The following ZWILCH variants were observed in gnomAD, a reference collection of about 807,000 sequenced individuals.
The protein encoded by ZWILCH is protein zwilch homolog.
Under a neutral mutation model 79.9 loss-of-function variants are expected in ZWILCH, and 74 were observed. That is an observed-to-expected ratio of 0.93 (90% CI 0.77 to 1.12). ZWILCH has a LOEUF of 1.12. ZWILCH is among the 50% of genes most tolerant of loss of function. The pLI, the probability that ZWILCH is intolerant of heterozygous loss-of-function variation, is 0.00. For synonymous variants in ZWILCH, 241 were observed against 228.2 expected (o/e 1.06, Z -0.51); for missense variants, 694 against 687.5 (o/e 1.01, Z -0.11).
At chr15:66,520,933 A>G in intron 6 of ZWILCH, 117 bp from the exon 7 acceptor site, 2 of 1,153,256 alleles carry the variant, frequency 1.7e-6, no homozygotes, top group Non-Finnish European at 1.2e-6. Context: ...ATATATCCCA[A>G]AAGTATGGCG....
At chr15:66,516,288 G>C (rs1006359099) in intron 4 of ZWILCH, among the ~76,000 whole-genome samples, 2 of 152,138 alleles carry the variant, frequency 1.3e-5, no homozygotes, top group Non-Finnish European at 2.9e-5. Flanking sequence ...TACCTCTCCA[G>C]CTTCACTTCC....
chr15:66,527,324 A>G lies in ZWILCH; in HGVS notation c.854A>G (p.Glu285Gly). The G allele has an allele frequency of 1.2e-6, 2 of 1,614,122 alleles. No homozygotes were observed. Among genetic ancestry groups the G allele is most frequent in the Non-Finnish European group, 8.5e-7 (1 of 1,180,006 alleles). Residue 285 changes from glutamate (E) to glycine (G), a missense_variant, in exon 9 of 19, where the codon GAA (glutamate) becomes GGA (glycine). By Grantham distance (98) the Glu-to-Gly change is moderately conservative. Transcript: ENST00000307897. ...LADGLRTGVT[E>G]WLEPLEAKSA... ...GATGGTTTGAGGACTGGTGTCACTGAATGGCTCGAGCCCCTGGAAGCAAAA... is the reference window on the plus strand; with the variant it reads ...GATGGTTTGAGGACTGGTGTCACTGGATGGCTCGAGCCCCTGGAAGCAAAA...
At position 66,529,572 on chromosome 15, in the gene ZWILCH, G is replaced by A. The variant is rs752522290; in HGVS notation, c.1154G>A (p.Trp385Ter). Residue 385 changes from tryptophan (W) to a stop codon, truncating the protein, a stop_gained and splice_region_variant, in exon 12 of 19, where the codon TGG becomes TAG. Coordinates refer to ENST00000307897, the MANE Select transcript of ZWILCH (RefSeq NM_017975.5). LOFTEE classifies it high-confidence loss of function. ...CTACAACGTGGTGATATACAGCCAT[G>A]GGTAGGTTTAGTAGTGTGTGTCAGA... is the stretch of plus-strand genomic sequence containing the variant. Reference protein sequence around the residue: ...QSLQRGDIQPWLHSGSNSLLS... With the variant: ...QSLQRGDIQP 1.2e-6 allele frequency: 2 copies of A among 1,612,172 alleles called. No homozygotes were observed. The highest frequency in any genetic ancestry group is 2.2e-5 in the South Asian group (2 of 91,000).
At chr15:66,541,151 G>A (rs1595922856) in intron 17 of ZWILCH, among the ~76,000 whole-genome samples, 1 of 151,480 alleles carries the variant, frequency 6.6e-6, no homozygotes, top group Admixed American at 6.6e-5. Context: ...GCCGGGTGTT[G>A]GTGGCTTGTT....
chr15:66,546,614 G>A lies in ZWILCH; in HGVS notation c.1711G>A (p.Gly571Ser), dbSNP rs547318979. Residue 571 changes from glycine to serine, a missense_variant, in exon 18 of 19, where the codon GGT (glycine) becomes AGT (serine). Transcript: ENST00000307897. ...AGATTTTTCGGAATTAACACTAAAC[G>A]GTAGCCTGGAAGAAAGGATATTCTT... ...KPDFSELTLN[G>S]SLEERIFFTN... is the part of the protein sequence containing the mutation. The A allele has an allele frequency of 9.3e-6, 15 of 1,607,726 alleles. No individual in the cohort carries two copies. The East Asian group carries it at 1.1e-4, about 12-fold the overall frequency.
intron 18 of ZWILCH, chr15:66,547,272 A>G (rs546663398): frequency 7.6e-6 from 1 of 132,430 alleles, no homozygotes; most frequent in East Asian, 2.1e-4. Flanking sequence ...ATCTCGGCTC[A>G]CTGCAAGCTC....
chr15:66,527,425 T>A, intron 9 of ZWILCH, 42 bp downstream of exon 9: 2 of 1,430,944 alleles, frequency 1.4e-6, no homozygotes, highest in Non-Finnish European at 2.0e-6. Flanking sequence ...ATACTTGCTA[T>A]GTTTAAATAT....
chr15:66,530,061 A>G (rs752065061), intron 12 of ZWILCH, among the ~76,000 whole-genome samples: 10 of 152,214 alleles, frequency 6.6e-5, no homozygotes, highest in African/African-American at 9.6e-5. Context: ...TTTATGTATC[A>G]GAATAGTCAT....
At chr15:66,533,495 C>T (rs184129937) in intron 14 of ZWILCH, among the ~76,000 whole-genome samples, 18 of 152,198 alleles carry the variant, frequency 1.2e-4, no homozygotes, top group African/African-American at 4.3e-4. Context: ...AGTGTCTGTA[C>T]TGATCTTTGA....
intron 17 of ZWILCH, among the ~76,000 whole-genome samples, chr15:66,544,724 T>TTTTTTTTTTGTGTG (rs145952622): frequency 1.6e-5 from 2 of 128,490 alleles, no homozygotes; most frequent in East Asian, 2.5e-4. Context: ...TTTTTGGTTT[T>TTTTTTTTTTGTGTG]TGTGTGTGTG....
At chr15:66,506,768 G>A (rs1338825132) in intron 1 of ZWILCH, among the ~76,000 whole-genome samples, 1 of 152,104 alleles carries the variant, frequency 6.6e-6, no homozygotes, top group African/African-American at 2.4e-5. Flanking sequence ...TTGAGCCCAG[G>A]AGTTGGAGGC....
chr15:66,518,954 C>T lies in ZWILCH; in HGVS notation c.396C>T (p.Ala132=). Reference sequence around the variant, plus strand: ...TGAAGATTAATCTGCCAGTTACTGCCCTTCCTCCCCTTTGGGTAAGATGTG... The same window carrying T: ...TGAAGATTAATCTGCCAGTTACTGCTCTTCCTCCCCTTTGGGTAAGATGTG... ...THLKINLPVT[A]LPPLWVRCDS... is the part of the protein sequence containing the mutation. The change falls in exon 5 of 19, where the codon GCC becomes GCT. Residue 132 remains alanine (A), a synonymous_variant. Coordinates refer to ENST00000307897, the MANE Select transcript of ZWILCH (RefSeq NM_017975.5). 1 of 1,614,156 alleles carries T rather than the reference C, an allele frequency of 6.2e-7. No homozygotes were observed. The highest frequency in any genetic ancestry group is 8.5e-7 in the Non-Finnish European group (1 of 1,180,020).
Position 66,529,477 on chromosome 15 carries a change from C to T in ZWILCH, c.1076-17C>T. ...GAAATACCCTGAAAATAATGTTACA[C>T]TGACTTGTTTTCCAAGGTGTGATTT... On this transcript the variant is annotated splice_polypyrimidine_tract_variant and intron_variant, in intron 11 of 18. Coordinates refer to ENST00000307897, the MANE Select transcript of ZWILCH (RefSeq NM_017975.5). 3 of 1,587,226 alleles carry T rather than the reference C, an allele frequency of 1.9e-6. No homozygotes were observed. Among genetic ancestry groups the T allele is most frequent in the Non-Finnish European group, 1.7e-6 (2 of 1,155,990 alleles).
At chr15:66,533,463 C>G (rs553152953) in intron 14 of ZWILCH, among the ~76,000 whole-genome samples, 37 of 152,256 alleles carry the variant, frequency 2.4e-4, no homozygotes, top group African/African-American at 8.4e-4. Flanking sequence ...CTAGCCCATT[C>G]AGAAACTTCA....
At chr15:66,516,636 G>C (rs951219332) in intron 4 of ZWILCH, among the ~76,000 whole-genome samples, 1 of 151,992 alleles carries the variant, frequency 6.6e-6, no homozygotes, top group African/African-American at 2.4e-5. Flanking sequence ...CTCCCGAGTA[G>C]CTGGGATTAC....
chr15:66,535,401 C>T (rs1567050286), intron 14 of ZWILCH, among the ~76,000 whole-genome samples: 1 of 152,074 alleles, frequency 6.6e-6, no homozygotes, highest in Admixed American at 6.6e-5. Flanking sequence ...GTAGGCCGGG[C>T]GCGGTGGTTT....
Position 66,520,661 on chromosome 15 carries a change from GT to G in ZWILCH, c.591+2del. 1 of 1,547,760 alleles carries G rather than the reference GT, an allele frequency of 6.5e-7. No individual in the cohort carries two copies. The highest frequency in any genetic ancestry group is 2.2e-5 in the East Asian group (1 of 44,456). ...CAAGAAAAGACATCACTTGTCTACT[GT>G]AAGTGTTTTGCTTCTACTCATATTA... On this transcript the variant is annotated splice_donor_variant, in intron 6 of 18. Coordinates refer to ENST00000307897, the MANE Select transcript of ZWILCH (RefSeq NM_017975.5). LOFTEE classifies it high-confidence loss of function.
At chr15:66,531,851 G>A (rs528376721) in intron 12 of ZWILCH, among the ~76,000 whole-genome samples, 4 of 152,106 alleles carry the variant, frequency 2.6e-5, no homozygotes, top group South Asian at 4.2e-4. Flanking sequence ...GGCGGATCAC[G>A]AGATCAGGAC....
intron 7 of ZWILCH, among the ~76,000 whole-genome samples, chr15:66,522,454 C>T (rs1894533288): frequency 6.6e-6 from 1 of 151,360 alleles, no homozygotes; most frequent in South Asian, 2.1e-4. Context: ...TCTCCTGCCT[C>T]AGCCTCCCAA....
Sources: allele counts gnomAD v4.1 joint callset (sites outside exome capture counted in the v4.1 genomes callset), GRCh38; gene constraint gnomAD v4.1.1; transcripts MANE v1.5; gene names NCBI Gene and HGNC (gene_info 2026-07-23, HGNC 2026-07-21).